The following TMEM64 variants were observed in gnomAD, a reference collection of about 807,000 sequenced individuals.
TMEM64 encodes the protein transmembrane protein 64.
A neutral mutation model predicts 24.5 loss-of-function variants in TMEM64; 19 were observed. The ratio of observed to expected loss-of-function variants is 0.78; its 90% CI spans 0.54 to 1.14. The LOEUF (loss-of-function observed/expected upper bound fraction) is 1.14, where lower values mean the gene tolerates loss of function less well. Ranked by LOEUF, TMEM64 falls within the 50% of genes most tolerant of loss-of-function variation. The pLI, the probability that TMEM64 is intolerant of heterozygous loss-of-function variation, is 0.00. For synonymous variants in TMEM64, 262 were observed against 224.7 expected (o/e 1.17, Z -1.49); for missense variants, 487 against 493.0 (o/e 0.99, Z 0.12).
intron 1 of TMEM64, among the ~76,000 whole-genome samples, chr8:90,633,758 T>C (rs1809475037): frequency 6.6e-6 from 1 of 152,222 alleles, no homozygotes; most frequent in South Asian, 2.1e-4. Flanking sequence ...ATCTGTACTA[T>C]TTTATATTGA....
At chr8:90,627,872 A>G (rs1360901863) in intron 2 of TMEM64, among the ~76,000 whole-genome samples, 2 of 152,050 alleles carry the variant, frequency 1.3e-5, no homozygotes, top group African/African-American at 4.8e-5. Flanking sequence ...CACTGTCAGG[A>G]GTCTTAGACT....
rs1809673596 is a variant in TMEM64 at position 90,645,344 on chromosome 8, G to A, written c.562C>T (p.Leu188=). The change falls in exon 1 of 3, where the codon CTG becomes TTG. Residue 188 remains leucine, a synonymous_variant. Transcript: ENST00000458549. The surrounding 1 kb of genome is among the most constrained non-coding windows in gnomAD (Gnocchi z 4.2). The part of the protein sequence containing the change: ...YIVLNVAAGY[L]YGFVLGMGLM... ...CCCATGCCCAGCACGAAGCCGTACA[G>A]GTAGCCAGCGGCCACGTTGAGCACG... is the stretch of plus-strand genomic sequence containing the variant. The A allele has an allele frequency of 1.9e-6, 3 of 1,554,998 alleles. No individual in the cohort carries two copies. The highest frequency in any genetic ancestry group is 2.0e-5 in the Admixed American group (1 of 51,198).
At chr8:90,644,208 A>G (rs1320759820) in intron 1 of TMEM64, among the ~76,000 whole-genome samples, 2 of 152,194 alleles carry the variant, frequency 1.3e-5, no homozygotes, top group African/African-American at 2.4e-5. Context: ...TTTGGGGAAC[A>G]TGGTAATCTA....
In TMEM64 at chr8:90,625,725, T is replaced by C; in HGVS notation, c.1089A>G (p.Ser363=). The C allele has an allele frequency of 1.2e-6, 2 of 1,613,942 alleles. No homozygotes were observed. The highest frequency in any genetic ancestry group is 8.5e-7 in the Non-Finnish European group (1 of 1,179,918). The change falls in exon 3 of 3, where the codon TCA becomes TCG. Residue 363 remains serine (S), a synonymous_variant. Transcript: ENST00000458549. ...ATGTTAGGGTCCTCTTGTTGTAGAA[T>C]GAAGAGCCACTGGTATTTGGTTGAT... The part of the protein sequence containing the change: ...KGNQPNTSGS[S]FYNKRTLTFS...
chr8:90,626,615 C>CTTTTTTTTCTTTTTTT (rs1563952767), intron 2 of TMEM64, among the ~76,000 whole-genome samples: 1 of 140,312 alleles, frequency 7.1e-6, no homozygotes, highest in African/African-American at 2.7e-5. Context: ...TCCCTCTGTA[C>CTTTTTTTTCTTTTTTT]TTTTTTTTTC....
chr8:90,636,804 G>C (rs1233770728), intron 1 of TMEM64, among the ~76,000 whole-genome samples: 1 of 152,062 alleles, frequency 6.6e-6, no homozygotes, highest in Non-Finnish European at 1.5e-5. Context: ...TTTTGGCTCA[G>C]GAGTTGTATT....
At position 90,633,192 on chromosome 8, in the gene TMEM64, T is replaced by C. The variant is rs186122456; in HGVS notation, c.796-1485A>G. ...TTCCAAAATTAGGTTACAAAATGAA[T>C]AGGACTTCCACTTCTTCCTCAAGCA... is the stretch of plus-strand genomic sequence containing the variant. On this transcript the variant is annotated intron_variant, in intron 1 of 2. Coordinates refer to ENST00000458549, the MANE Select transcript of TMEM64 (RefSeq NM_001008495.4). Among the ~76,000 whole-genome samples, 4 of 152,260 alleles carry C rather than the reference T, an allele frequency of 2.6e-5. No individual in the cohort carries two copies. The East Asian group carries it at 7.7e-4, about 29-fold the overall frequency.
At chr8:90,640,796 A>G (rs914169831) in intron 1 of TMEM64, among the ~76,000 whole-genome samples, 1 of 152,196 alleles carries the variant, frequency 6.6e-6, no homozygotes, top group Non-Finnish European at 1.5e-5. Flanking sequence ...TTATTATTTC[A>G]GTCAGTACCA....
chr8:90,637,732 T>C (rs1167060503), intron 1 of TMEM64, among the ~76,000 whole-genome samples: 1 of 152,176 alleles, frequency 6.6e-6, no homozygotes, highest in Non-Finnish European at 1.5e-5. Flanking sequence ...AATTTTACTG[T>C]ACATATCCCC....
chr8:90,634,115 C>G (rs1175808931), intron 1 of TMEM64, among the ~76,000 whole-genome samples: 1 of 152,058 alleles, frequency 6.6e-6, no homozygotes, highest in African/African-American at 2.4e-5. Flanking sequence ...TCCTTTTTAG[C>G]ATTCACCACT....
At chr8:90,636,335 A>T (rs977417849) in intron 1 of TMEM64, among the ~76,000 whole-genome samples, 2 of 152,174 alleles carry the variant, frequency 1.3e-5, no homozygotes, top group African/African-American at 4.8e-5. Flanking sequence ...GGCTCACTGC[A>T]ACCTCCGCCT....
chr8:90,640,977 A>T (rs1331873653), intron 1 of TMEM64, among the ~76,000 whole-genome samples: 1 of 152,202 alleles, frequency 6.6e-6, no homozygotes, highest in African/African-American at 2.4e-5. Flanking sequence ...GCACTTTAAA[A>T]TTTACTCATT....
chr8:90,625,905 C>A, intron 2 of TMEM64, 43 bp from the exon 3 acceptor site: 5 of 1,388,840 alleles, frequency 3.6e-6, no homozygotes, highest in Non-Finnish European at 4.9e-6. Flanking sequence ...ATATTTTATA[C>A]AAAAAAAAGA....
intron 1 of TMEM64, among the ~76,000 whole-genome samples, chr8:90,637,965 T>C (rs898280436): frequency 2.0e-5 from 3 of 152,158 alleles, no homozygotes; most frequent in African/African-American, 7.2e-5. Flanking sequence ...GTCAGGCACA[T>C]AGCTAATTCC....
At chr8:90,644,182 G>T (rs933744794) in intron 1 of TMEM64, among the ~76,000 whole-genome samples, 1 of 152,192 alleles carries the variant, frequency 6.6e-6, no homozygotes, top group East Asian at 1.9e-4. Flanking sequence ...ACTCTTGGTA[G>T]TTTAGAATCA....
intron 2 of TMEM64, among the ~76,000 whole-genome samples, chr8:90,627,224 C>T (rs1328872460): frequency 1.3e-5 from 2 of 151,872 alleles, no homozygotes; most frequent in Admixed American, 6.6e-5. Flanking sequence ...GCAGAGCATA[C>T]TGGGGGTATG....
Position 90,631,653 on chromosome 8 carries a change from G to T in TMEM64, c.850C>A (p.Pro284Thr). 1 of 1,613,800 alleles carries T rather than the reference G, an allele frequency of 6.2e-7. No individual in the cohort carries two copies. The highest frequency in any genetic ancestry group is 8.5e-7 in the Non-Finnish European group (1 of 1,179,738). The change falls in exon 2 of 3, where the codon CCT becomes ACT. Residue 284 changes from proline to threonine, a missense_variant. Pro to Thr is a conservative substitution (Grantham distance 38). Around this residue, in one of 3 missense-constraint regions of TMEM64, gnomAD observed 419 missense variants for 407.5 expected, o/e 1.03. Transcript: ENST00000458549. ...YLMASSVGLL[P>T]TQLLNSYLGT... ...AAGTAAGAATTCAGAAGCTGGGTAG[G>T]AAGCAGTCCAACCGAAGATGCCATC... is the stretch of plus-strand genomic sequence containing the variant.
intron 1 of TMEM64, among the ~76,000 whole-genome samples, chr8:90,642,244 T>G (rs1333430084): frequency 6.6e-6 from 1 of 152,180 alleles, no homozygotes; most frequent in Non-Finnish European, 1.5e-5. Context: ...TCATAACTAC[T>G]TTATTTTACA....
chr8:90,632,775 G>A (rs1809459860), intron 1 of TMEM64, among the ~76,000 whole-genome samples: 1 of 152,126 alleles, frequency 6.6e-6, no homozygotes, highest in East Asian at 1.9e-4. Context: ...TTAGATGGCT[G>A]TTGTTAGGAT....
Sources: allele counts gnomAD v4.1 joint callset (sites outside exome capture counted in the v4.1 genomes callset), GRCh38; gene constraint gnomAD v4.1.1; regional missense constraint gnomAD v4.1.1; non-coding constraint Gnocchi (gnomAD v3.1); transcripts MANE v1.5; gene names NCBI Gene and HGNC (gene_info 2026-07-23, HGNC 2026-07-21).